Variants in MYH13 observed in about 807,000 individuals in gnomAD.
The protein encoded by MYH13 is myosin heavy chain 13.
Under a neutral mutation model 232.1 loss-of-function variants are expected in MYH13, and 177 were observed. The ratio of observed to expected loss-of-function variants is 0.76; its 90% CI spans 0.67 to 0.86. MYH13 has a LOEUF of 0.86. Among genes scored for constraint, MYH13 ranks in the 40% least tolerant of loss-of-function variants. The pLI is 0.00. For synonymous variants in MYH13, 884 were observed against 923.5 expected (o/e 0.96, Z 0.78); for missense variants, 2,246 against 2,405.9 (o/e 0.93, Z 1.39).
At chr17:10,352,280 T>G (rs1018491643) in intron 11 of MYH13, among the ~76,000 whole-genome samples, 1 of 152,060 alleles carries the variant, frequency 6.6e-6, no homozygotes, top group Non-Finnish European at 1.5e-5. Flanking sequence ...AAAGGGAGAC[T>G]ATACCAGGCA....
At chr17:10,326,838 C>T (rs558976472) in intron 22 of MYH13, among the ~76,000 whole-genome samples, 161 of 144,072 alleles carry the variant, frequency 1.1e-3, no homozygotes, top group African/African-American at 3.9e-3. Flanking sequence ...TTTTTGAGAT[C>T]GGGGTCTCAC....
intron 18 of MYH13, among the ~76,000 whole-genome samples, chr17:10,335,104 C>T (rs987765743): frequency 2.6e-5 from 4 of 152,078 alleles, no homozygotes; most frequent in African/African-American, 7.2e-5. Context: ...TTGAGCATCC[C>T]GATTCAGAAA....
At position 10,309,544 on chromosome 17, in the gene MYH13, C is replaced by T. The variant is rs201701352; in HGVS notation, c.4943G>A (p.Arg1648His). The T allele has an allele frequency of 1.1e-5, 17 of 1,611,202 alleles. No individual in the cohort carries two copies. The East Asian group carries it at 3.6e-4, about 34-fold the overall frequency. Residue 1648 changes from arginine to histidine, a missense_variant, in exon 34 of 41, where the codon CGC becomes CAC. Transcript: ENST00000252172. ...CACCTTGAGCTGGCCCTGGACCGTGCGCAGATGCTTCTGGGTCTCTGCCAT... is the reference window on the plus strand; with the variant it reads ...CACCTTGAGCTGGCCCTGGACCGTGTGCAGATGCTTCTGGGTCTCTGCCAT... ...RQMAETQKHL[R>H]TVQGQLKDSQ...
At chr17:10,315,633 C>T (rs1213914400) in intron 29 of MYH13, 60 bp downstream of exon 29, 1 of 1,441,940 alleles carries the variant, frequency 6.9e-7, no homozygotes, top group Non-Finnish European at 9.6e-7. Flanking sequence ...TGACCAGCTT[C>T]ACGGGTGAAG....
chr17:10,315,847 T>G (rs749580369), intron 28 of MYH13, 36 bp from the exon 29 acceptor site: 9 of 1,613,970 alleles, frequency 5.6e-6, no homozygotes, highest in Admixed American at 5.0e-5. Flanking sequence ...TCAGTGTTAC[T>G]GACCACCCTC....
Position 10,364,477 on chromosome 17 carries a change from C to G in MYH13, c.54G>C (p.Arg18=), listed in dbSNP as rs745361411. ...CCTCGATTCTCTCCTTCTCTGGTTT[C>G]CGGAGGTAGGGAGCTGCTTCTCCAA... ...AIFGEAAPYL[R]KPEKERIEAQ... is the part of the protein sequence containing the mutation. Residue 18 remains arginine (R), a synonymous_variant, in exon 3 of 41, where the codon CGG becomes CGC. Coordinates refer to ENST00000252172, the MANE Select transcript of MYH13 (RefSeq NM_003802.3). 17 of 1,611,374 alleles carry G rather than the reference C, an allele frequency of 1.1e-5. No homozygotes were observed. The highest frequency in any genetic ancestry group is 1.4e-5 in the Non-Finnish European group (16 of 1,178,740).
chr17:10,340,259 G>C, intron 17 of MYH13, 22 bp from the exon 18 acceptor site: 3 of 1,613,438 alleles, frequency 1.9e-6, no homozygotes, highest in Non-Finnish European at 2.5e-6. Context: ...ACCAAAACAA[G>C]CACATTTAGC....
At chr17:10,361,659 T>A (rs1160953429) in intron 5 of MYH13, among the ~76,000 whole-genome samples, 1 of 152,182 alleles carries the variant, frequency 6.6e-6, no homozygotes, top group African/African-American at 2.4e-5. Flanking sequence ...AGACTTGATA[T>A]TAGGCATCAT....
At chr17:10,358,488 GGTAGT>G (rs1451876361) in intron 7 of MYH13, among the ~76,000 whole-genome samples, 2 of 152,182 alleles carry the variant, frequency 1.3e-5, no homozygotes, top group African/African-American at 4.8e-5. Flanking sequence ...TGCCAGGTAT[GGTAGT>G]TCACACTCGT....
At position 10,319,116 on chromosome 17, in the gene MYH13, T is replaced by C. The variant is rs1906836101; in HGVS notation, c.3412A>G (p.Lys1138Glu). 6.2e-7 allele frequency: 1 copy of C among 1,614,148 alleles called. No homozygotes were observed. Among genetic ancestry groups the C allele is most frequent in the South Asian group, 1.1e-5 (1 of 91,082 alleles). Residue 1138 changes from lysine to glutamate, a missense_variant, in exon 27 of 41, where the codon AAG (lysine) becomes GAG (glutamate). Lys to Glu is a moderately conservative substitution (Grantham distance 56). Transcript: ENST00000252172. ...AEHTLRAKIE[K>E]QRSDLARELE... ...TCCCTGGCCAGATCTGAGCGCTGCT[T>C]CTCAATCTTGGCTCTGAGCGTGTGT...
intron 21 of MYH13, 124 bp from the exon 22 acceptor site, chr17:10,328,245 G>T: frequency 9.1e-7 from 1 of 1,094,068 alleles, no homozygotes; most frequent in Non-Finnish European, 1.3e-6. Context: ...GTGCAGCCAA[G>T]CTTGGCAGAT....
At chr17:10,342,740 A>G (rs1057415351) in intron 16 of MYH13, among the ~76,000 whole-genome samples, 4 of 152,216 alleles carry the variant, frequency 2.6e-5, no homozygotes, top group Middle Eastern at 3.2e-3. Flanking sequence ...ATGCCCAGAT[A>G]GGCAAATCTA....
rs1447160301 is a variant in MYH13 at position 10,312,007 on chromosome 17, T to A, written c.4435A>T (p.Arg1479Trp). 6.2e-7 allele frequency: 1 copy of A among 1,614,042 alleles called. No homozygotes were observed. The highest frequency in any genetic ancestry group is 8.5e-7 in the Non-Finnish European group (1 of 1,179,890). The change falls in exon 32 of 41, where the codon AGG becomes TGG. Residue 1479 changes from arginine to tryptophan, a missense_variant. Transcript: ENST00000252172. ...TTGAAGAGTTCAGTGCTGAGTGACC[T>A]GGACTCCTTCTGAGCAGCTTCCAAC... ...AELEAAQKES[R>W]SLSTELFKMR...
At chr17:10,311,507 C>T (rs530092207) in intron 32 of MYH13, among the ~76,000 whole-genome samples, 5 of 152,252 alleles carry the variant, frequency 3.3e-5, no homozygotes, top group Non-Finnish European at 4.4e-5. Context: ...GTGGGGAAAA[C>T]GCATAGAATC....
At chr17:10,332,808 T>C (rs1300149399) in intron 19 of MYH13, among the ~76,000 whole-genome samples, 1 of 152,172 alleles carries the variant, frequency 6.6e-6, no homozygotes, top group Non-Finnish European at 1.5e-5. Flanking sequence ...TAAAGGATGA[T>C]CTAGCCTGAG....
rs61338527 is a variant in MYH13 at position 10,355,828 on chromosome 17, C to CTTTTTTTTTTTTTTTTTTTTTTTTTTTT, written c.739-709_739-682dup. 2.5e-4 allele frequency among the ~76,000 whole-genome samples: 17 copies of CTTTTTTTTTTTTTTTTTTTTTTTTTTTT among 66,814 alleles called. 2 individuals are homozygous for CTTTTTTTTTTTTTTTTTTTTTTTTTTTT. The highest frequency in any genetic ancestry group is 3.7e-4 in the Non-Finnish European group (14 of 38,270). 43.8% of individuals were successfully genotyped at this position (66,814 alleles called of 152,430 possible). A position where few individuals can be genotyped will look rare whatever the true frequency, so the allele number is the denominator to read the frequency against. Reference sequence around the variant, plus strand: ...TAACTGGTTGGATTGTTCTGTCTGACTTTTTTTTTTTTTTTTTTTTTTTTT... The same window carrying CTTTTTTTTTTTTTTTTTTTTTTTTTTTT: ...TAACTGGTTGGATTGTTCTGTCTGACTTTTTTTTTTTTTTTTTTTTTTTTTTTTTTTTTTTTTTTTTTTTTTTTTTTTT... On this transcript the variant is annotated intron_variant, in intron 8 of 40. Coordinates refer to ENST00000252172, the MANE Select transcript of MYH13 (RefSeq NM_003802.3).
rs1336875025 is a variant in MYH13, at chr17:10,354,748, G to C, written c.937C>G (p.Pro313Ala). The C allele has an allele frequency of 1.2e-6, 2 of 1,613,964 alleles. No homozygotes were observed. ...GTGACCTCTCCTTGGCTCACGAAGG[G>C]GAAGTCGAAGGGGTTGGTGGAGATC... ...LLISTNPFDF[P>A]FVSQGEVTVA... The change falls in exon 11 of 41, where the codon CCC becomes GCC. Residue 313 changes from proline to alanine, a missense_variant. Transcript: ENST00000252172.
chr17:10,330,223 G>A (rs1222302979), intron 21 of MYH13, among the ~76,000 whole-genome samples, 164 bp downstream of exon 21: 2 of 152,030 alleles, frequency 1.3e-5, no homozygotes, highest in Non-Finnish European at 2.9e-5. Flanking sequence ...TCTCCCCAGC[G>A]CCATGCAGAG....
chr17:10,365,044 T>G (rs1051715383), intron 2 of MYH13, among the ~76,000 whole-genome samples: 1 of 152,064 alleles, frequency 6.6e-6, no homozygotes, highest in Admixed American at 6.6e-5. Flanking sequence ...AGCTATTTTT[T>G]TTATATTTTT....
Sources: allele counts gnomAD v4.1 joint callset (sites outside exome capture counted in the v4.1 genomes callset), GRCh38; gene constraint gnomAD v4.1.1; transcripts MANE v1.5; gene names NCBI Gene and HGNC (gene_info 2026-07-23, HGNC 2026-07-21).